COQ3: variants seen among roughly 807,000 people sequenced by gnomAD.
COQ3 encodes coenzyme Q3, methyltransferase.
In COQ3, 29 loss-of-function variants were observed where a neutral mutation model predicts 33.1. The observed-to-expected ratio is 0.88, with a 90% CI of 0.65 to 1.19. COQ3 has a LOEUF of 1.19. COQ3 is among the 50% of genes most tolerant of loss of function. The pLI, the probability that COQ3 is intolerant of heterozygous loss-of-function variation, is 0.00. For synonymous variants in COQ3, 173 were observed against 157.8 expected (o/e 1.10, Z -0.72); for missense variants, 437 against 430.7 (o/e 1.01, Z -0.13).
rs77022680 is a variant in COQ3, at chr6:99,376,347, A to G, written c.487-165T>C. On this transcript the variant is annotated intron_variant, in intron 4 of 6. Transcript: ENST00000254759. ...ATACCATTTTCTCTAGTTTGTACAC[A>G]TTTGAAATTTTCCATAATCAAACCC... 4.9e-3 allele frequency among the ~76,000 whole-genome samples: 739 copies of G among 152,346 alleles called. 27 individuals are homozygous for G. In the East Asian group the frequency reaches 0.1, roughly 21 times the overall value.
intron 4 of COQ3, among the ~76,000 whole-genome samples, chr6:99,376,950 T>G (rs1582718946): frequency 6.7e-6 from 1 of 149,184 alleles, no homozygotes; most frequent in Non-Finnish European, 1.5e-5. Context: ...GCAACAAGAG[T>G]GAAACTCTGT....
chr6:99,382,309 T>A (rs1312267758), intron 2 of COQ3, among the ~76,000 whole-genome samples: 1 of 152,182 alleles, frequency 6.6e-6, no homozygotes, highest in East Asian at 1.9e-4. Flanking sequence ...TAGAAGCATA[T>A]AGTATAGAAA....
rs1460371272 is a variant in COQ3 at position 99,375,930 on chromosome 6, T to C, written c.729+10A>G. The stretch of plus-strand genomic sequence containing the variant: ...AGAAGAAACCAAGATGTAAACTCCA[T>C]AAGCCTTACTTTTAACACTTGACAG... On this transcript the variant is annotated intron_variant, in intron 5 of 6. Transcript: ENST00000254759. 1 of 1,613,670 alleles carries C rather than the reference T, an allele frequency of 6.2e-7. No individual in the cohort carries two copies. Among genetic ancestry groups the C allele is most frequent in the Admixed American group, 1.7e-5 (1 of 60,008 alleles).
chr6:99,389,612 T>C (rs1376163690), intron 1 of COQ3, among the ~76,000 whole-genome samples: 1 of 152,234 alleles, frequency 6.6e-6, no homozygotes, highest in Non-Finnish European at 1.5e-5. Context: ...AGGCATTTTA[T>C]ACATATGCAA....
At chr6:99,386,061 C>T (rs111875076) in intron 1 of COQ3, among the ~76,000 whole-genome samples, 3 of 150,534 alleles carry the variant, frequency 2.0e-5, no homozygotes, top group South Asian at 2.1e-4. Flanking sequence ...ATCTAAGTTT[C>T]GACCTCAAGA....
chr6:99,386,480 T>C (rs370432951), intron 1 of COQ3, among the ~76,000 whole-genome samples: 2 of 152,070 alleles, frequency 1.3e-5, no homozygotes, highest in East Asian at 3.9e-4. Context: ...AATGACATTG[T>C]AAACAAAACA....
chr6:99,372,486 C>T (rs1294898893), intron 5 of COQ3, among the ~76,000 whole-genome samples: 2 of 152,026 alleles, frequency 1.3e-5, no homozygotes, highest in Non-Finnish European at 2.9e-5. Context: ...GGCATGATCT[C>T]AGCTTACTGC....
At chr6:99,390,326 A>G (rs527424244) in intron 1 of COQ3, among the ~76,000 whole-genome samples, 1 of 132,042 alleles carries the variant, frequency 7.6e-6, no homozygotes, top group South Asian at 2.6e-4. Flanking sequence ...CACCCATACA[A>G]TGTTAAACTT....
At chr6:99,380,686 G>A (rs190538184) in intron 2 of COQ3, among the ~76,000 whole-genome samples, 96 of 152,116 alleles carry the variant, frequency 6.3e-4, no homozygotes, top group African/African-American at 2.2e-3. Flanking sequence ...TTGGGAGGCC[G>A]AAAGGGGCAG....
chr6:99,385,488 G>A (rs143586259), intron 1 of COQ3, among the ~76,000 whole-genome samples: 124 of 151,936 alleles, frequency 8.2e-4, no homozygotes, highest in African/African-American at 2.7e-3. Context: ...GAAAAATAAC[G>A]GTAAAAAGCA....
intron 1 of COQ3, among the ~76,000 whole-genome samples, chr6:99,392,000 A>G (rs1164208410): frequency 6.6e-6 from 1 of 151,028 alleles, no homozygotes; most frequent in Admixed American, 6.6e-5. Context: ...CCTTTTCTCA[A>G]AAAAAAAAAT....
Position 99,375,931 on chromosome 6 carries a change from A to C in COQ3, c.729+9T>G. On this transcript the variant is annotated intron_variant, in intron 5 of 6. Transcript: ENST00000254759. ...GAAGAAACCAAGATGTAAACTCCAT[A>C]AGCCTTACTTTTAACACTTGACAGC... The C allele has an allele frequency of 6.2e-7, 1 of 1,613,682 alleles. No homozygotes were observed. Among genetic ancestry groups the C allele is most frequent in the Non-Finnish European group, 8.5e-7 (1 of 1,179,920 alleles).
intron 2 of COQ3, 46 bp downstream of exon 2, chr6:99,383,652 T>A: frequency 7.0e-7 from 1 of 1,423,308 alleles, no homozygotes; most frequent in East Asian, 2.4e-5. Flanking sequence ...TAAAAACCTA[T>A]TACATATAAT....
intron 6 of COQ3, among the ~76,000 whole-genome samples, chr6:99,370,494 A>C (rs956825763): frequency 6.6e-6 from 1 of 151,570 alleles, no homozygotes; most frequent in African/African-American, 2.4e-5. Context: ...GATTACAGGC[A>C]TGCACCACCA....
At chr6:99,390,119 A>G (rs1774781104) in intron 1 of COQ3, among the ~76,000 whole-genome samples, 2 of 152,174 alleles carry the variant, frequency 1.3e-5, no homozygotes, top group Non-Finnish European at 2.9e-5. Flanking sequence ...TCTCAAAACG[A>G]CAACAACTAG....
Position 99,376,074 on chromosome 6 carries a change from C to G in COQ3, c.595G>C (p.Glu199Gln). 2 of 1,614,142 alleles carry G rather than the reference C, an allele frequency of 1.2e-6. No individual in the cohort carries two copies. The highest frequency in any genetic ancestry group is 1.7e-6 in the Non-Finnish European group (2 of 1,179,996). Residue 199 changes from glutamate to glutamine, a missense_variant, in exon 5 of 7, where the codon GAG (glutamate) becomes CAG (glutamine). Transcript: ENST00000254759. ...SFDPVLDKRI[E>Q]YRVCSLEEIV... Reference sequence around the variant, plus strand: ...TCTTCCAGGGAACACACTCTGTACTCTATTCTCTTATCCAGGACTGGATCA... The same window carrying G: ...TCTTCCAGGGAACACACTCTGTACTGTATTCTCTTATCCAGGACTGGATCA...
In COQ3 at chr6:99,369,624, A is replaced by T; in HGVS notation, c.1086T>A (p.Ala362=). ...TTCATTTCTTCAGCTTTTCATGCAC[A>T]GCTGGATTGGTGCAGGCATTAGCTT... ...ELQANACTNP[A]VHEKLKK Residue 362 remains alanine (A), a synonymous_variant, in exon 7 of 7, where the codon GCT becomes GCA. Coordinates refer to ENST00000254759, the MANE Select transcript of COQ3 (RefSeq NM_017421.4). 1.2e-6 allele frequency: 2 copies of T among 1,613,880 alleles called. No homozygotes were observed. The highest frequency in any genetic ancestry group is 1.7e-6 in the Non-Finnish European group (2 of 1,179,754).
At chr6:99,380,845 T>G (rs1179747944) in intron 2 of COQ3, among the ~76,000 whole-genome samples, 1 of 152,086 alleles carries the variant, frequency 6.6e-6, no homozygotes, top group African/African-American at 2.4e-5. Context: ...AGGTGGAGGT[T>G]GCAGTGAGTA....
chr6:99,387,546 C>T (rs1354977755), intron 1 of COQ3, among the ~76,000 whole-genome samples: 1 of 152,114 alleles, frequency 6.6e-6, no homozygotes, highest in Non-Finnish European at 1.5e-5. Context: ...AAATCCATAT[C>T]CATTATGATT....
Sources: allele counts gnomAD v4.1 joint callset (sites outside exome capture counted in the v4.1 genomes callset), GRCh38; gene constraint gnomAD v4.1.1; transcripts MANE v1.5; gene names NCBI Gene and HGNC (gene_info 2026-07-23, HGNC 2026-07-21).